Variants in NR3C2 observed in about 807,000 individuals in gnomAD.
NR3C2 encodes mineralocorticoid receptor.
In NR3C2, 15 loss-of-function variants were observed where a neutral mutation model predicts 86.4. The ratio of observed to expected loss-of-function variants is 0.17; its 90% CI spans 0.12 to 0.27. The LOEUF is 0.27. Ranked by LOEUF, NR3C2 falls within the 10% of genes least tolerant of loss-of-function variation. The pLI is 1.00. For missense variants in NR3C2, 960 were observed against 1,195.6 expected (o/e 0.80, Z 2.91); for synonymous variants, 458 against 450.5 (o/e 1.02, Z -0.21).
chr4:148,112,786 CAGAG>C (rs1318778409), intron 8 of NR3C2, among the ~76,000 whole-genome samples: 3 of 152,154 alleles, frequency 2.0e-5, no homozygotes, highest in African/African-American at 7.2e-5. Context: ...TTAGTTACCA[CAGAG>C]AGATAACATT....
At chr4:148,307,293 A>T (rs1420058941) in intron 2 of NR3C2, among the ~76,000 whole-genome samples, 2 of 152,292 alleles carry the variant, frequency 1.3e-5, no homozygotes, top group Admixed American at 1.3e-4. Flanking sequence ...GATCTAACTT[A>T]CTATAGCAGT....
At chr4:148,391,907 G>C (rs571360340) in intron 2 of NR3C2, among the ~76,000 whole-genome samples, 1 of 148,302 alleles carries the variant, frequency 6.7e-6, no homozygotes, top group East Asian at 2.0e-4. Context: ...TCCTTCACTA[G>C]AGACTTGAGA....
At chr4:148,242,084 T>C (rs1428778495) in intron 3 of NR3C2, among the ~76,000 whole-genome samples, 1 of 152,184 alleles carries the variant, frequency 6.6e-6, no homozygotes, top group African/African-American at 2.4e-5. Context: ...GTACAGATTT[T>C]CAGTTTTTGC....
intron 2 of NR3C2, among the ~76,000 whole-genome samples, chr4:148,382,880 A>T (rs898010886): frequency 5.9e-5 from 9 of 152,194 alleles, no homozygotes; most frequent in Admixed American, 4.6e-4. Flanking sequence ...CAAATAAAGC[A>T]GTAGAATGGT....
rs575720808 is a variant in NR3C2 at position 148,153,459 on chromosome 4, G to A, written c.2366-846C>T. ...TCCCAAAGTCTGGGATTACAGGCAT[G>A]GGCCACTGCACCAGGCCTTCTTTTG... On this transcript the variant is annotated intron_variant, in intron 5 of 8. Transcript: ENST00000358102. Among the ~76,000 whole-genome samples the A allele has an allele frequency of 5.9e-5, 9 of 152,264 alleles. No homozygotes were observed. The East Asian group carries it at 1.5e-3, about 26-fold the overall frequency.
At chr4:148,106,003 A>G (rs1431277057) in intron 8 of NR3C2, among the ~76,000 whole-genome samples, 2 of 152,154 alleles carry the variant, frequency 1.3e-5, no homozygotes, top group African/African-American at 2.4e-5. Flanking sequence ...CTCCTATTCT[A>G]CATAGTACTG....
At position 148,435,595 on chromosome 4, in the gene NR3C2, T is replaced by C. The variant is rs758071156; in HGVS notation, c.1266A>G (p.Ser422=). ...GGNSKINSDS[S]FSVPIKQEST... is the part of the protein sequence containing the mutation. ...ATTCTTGCTTTATTGGTACTGAGAA[T>C]GAAGAATCCGAATTTATTTTGCTAT... The change falls in exon 2 of 9, where the codon TCA becomes TCG. Residue 422 remains serine, a synonymous_variant. Transcript: ENST00000358102. The C allele has an allele frequency of 7.4e-6, 12 of 1,614,022 alleles. No individual in the cohort carries two copies. Among genetic ancestry groups the C allele is most frequent in the Non-Finnish European group, 1.0e-5 (12 of 1,180,032 alleles).
chr4:148,376,489 T>C (rs1449071194), intron 2 of NR3C2, among the ~76,000 whole-genome samples: 1 of 152,220 alleles, frequency 6.6e-6, no homozygotes, highest in Non-Finnish European at 1.5e-5. Flanking sequence ...TACATTTCTC[T>C]GTCCTCAGTG....
At chr4:148,342,274 AAC>A (rs70962713) in intron 2 of NR3C2, among the ~76,000 whole-genome samples, 8 of 150,884 alleles carry the variant, frequency 5.3e-5, no homozygotes, top group East Asian at 1.9e-4. Flanking sequence ...TAAATAACAT[AAC>A]ACACACACAC....
chr4:148,260,159 G>T, intron 2 of NR3C2, 42 bp from the exon 3 acceptor site: 3 of 1,612,498 alleles, frequency 1.9e-6, no homozygotes, highest in Non-Finnish European at 1.7e-6. Flanking sequence ...CACCGTAAAG[G>T]CACATTTAAC....
At chr4:148,181,093 C>T (rs1458502645) in intron 4 of NR3C2, among the ~76,000 whole-genome samples, 1 of 152,168 alleles carries the variant, frequency 6.6e-6, no homozygotes, top group African/African-American at 2.4e-5. Flanking sequence ...TCCTGCTAAA[C>T]TCAGTGATTT....
chr4:148,093,796 T>C (rs1731160850), intron 8 of NR3C2, among the ~76,000 whole-genome samples: 1 of 152,162 alleles, frequency 6.6e-6, no homozygotes, highest in Admixed American at 6.5e-5. Flanking sequence ...AGTGTTATTC[T>C]TGGATATGGC....
intron 8 of NR3C2, among the ~76,000 whole-genome samples, chr4:148,091,822 T>C (rs1731075561): frequency 1.3e-5 from 2 of 152,188 alleles, no homozygotes; most frequent in African/African-American, 2.4e-5. Flanking sequence ...CAGGGCAGGC[T>C]GAACTCACAC....
At chr4:148,228,876 C>G (rs1738315715) in intron 3 of NR3C2, among the ~76,000 whole-genome samples, 1 of 152,048 alleles carries the variant, frequency 6.6e-6, no homozygotes, top group Non-Finnish European at 1.5e-5. Flanking sequence ...TCCACCACAG[C>G]CAGACTGCCG....
intron 2 of NR3C2, among the ~76,000 whole-genome samples, chr4:148,431,752 G>A (rs1022028198): frequency 3.3e-5 from 5 of 152,010 alleles, no homozygotes; most frequent in African/African-American, 1.2e-4. Context: ...TTTCCTATTT[G>A]AATAGAACAC....
At chr4:148,108,033 A>G (rs1338407156) in intron 8 of NR3C2, among the ~76,000 whole-genome samples, 2 of 152,126 alleles carry the variant, frequency 1.3e-5, no homozygotes, top group Non-Finnish European at 2.9e-5. Context: ...AAATAATAAT[A>G]ATTTGTGAAC....
At chr4:148,123,248 C>A (rs192834289) in intron 6 of NR3C2, among the ~76,000 whole-genome samples, 2 of 152,258 alleles carry the variant, frequency 1.3e-5, no homozygotes, top group Admixed American at 1.3e-4. Context: ...GTGGTCAAAC[C>A]GGTTCTCTGC....
intron 6 of NR3C2, among the ~76,000 whole-genome samples, chr4:148,122,966 C>T (rs1001063942): frequency 6.6e-5 from 10 of 152,198 alleles, no homozygotes; most frequent in South Asian, 2.1e-4. Context: ...TGACTGCCTG[C>T]GGCGTCGGGC....
At chr4:148,142,509 C>T (rs1251142632) in intron 6 of NR3C2, among the ~76,000 whole-genome samples, 2 of 152,004 alleles carry the variant, frequency 1.3e-5, no homozygotes, top group East Asian at 1.9e-4. Context: ...TCCCCACCCC[C>T]GAAAGGGCCT....
Sources: gnomAD v4.1 joint callset for allele counts (sites outside exome capture counted in the v4.1 genomes callset) on GRCh38, gnomAD v4.1.1 for gene constraint, MANE v1.5 for transcripts, NCBI Gene and HGNC (gene_info 2026-07-23, HGNC 2026-07-21) for gene names.